SYNE1: variants seen among roughly 807,000 people sequenced by gnomAD.
SYNE1 encodes the protein spectrin repeat containing nuclear envelope protein 1.
In SYNE1, 616 loss-of-function variants were observed where a neutral mutation model predicts 1,111.0. That is an observed-to-expected ratio of 0.55 (90% CI 0.52 to 0.59). SYNE1 has a LOEUF of 0.59. Among genes scored for constraint, SYNE1 ranks in the 20% least tolerant of loss-of-function variants. The pLI is 0.00. For missense variants in SYNE1, 10,006 were observed against 10,417.0 expected (o/e 0.96, Z 1.72); for synonymous variants, 3,855 against 3,825.8 (o/e 1.01, Z -0.28).
At chr6:152,568,318 A>G (rs1258510073) in intron 3 of SYNE1, among the ~76,000 whole-genome samples, 1 of 97,094 alleles carries the variant, frequency 1.0e-5, no homozygotes, top group East Asian at 3.0e-4. Context: ...TTTTTTTGAG[A>G]TAGCATCTCT....
intron 93 of SYNE1, among the ~76,000 whole-genome samples, chr6:152,295,711 CAA>C (rs1164232567): frequency 6.6e-6 from 1 of 152,010 alleles, no homozygotes; most frequent in African/African-American, 2.4e-5. Flanking sequence ...CTCAAATTTT[CAA>C]AAGTCTATGT....
intron 25 of SYNE1, 84 bp from the exon 26 acceptor site, chr6:152,451,289 A>G (rs1427908879): frequency 3.6e-6 from 5 of 1,371,582 alleles, no homozygotes; most frequent in Admixed American, 1.7e-5. Flanking sequence ...AAAAAAAAAC[A>G]AAAACCATAA....
rs1168960517 is a variant in SYNE1 at position 152,623,976 on chromosome 6, T to C, written c.67+4289A>G. Among the ~76,000 whole-genome samples, 4 of 152,060 alleles carry C rather than the reference T, an allele frequency of 2.6e-5. No homozygotes were observed. The East Asian group carries it at 5.8e-4, about 22-fold the overall frequency. Reference sequence around the variant, plus strand: ...ATGAACTTATAAGAAATATTATACTTAAAACAAAAAAGGTTTAAGGTTTTT... The same window carrying C: ...ATGAACTTATAAGAAATATTATACTCAAAACAAAAAAGGTTTAAGGTTTTT... On this transcript the variant is annotated intron_variant, in intron 3 of 145. Transcript: ENST00000367255.
chr6:152,298,046 G>A (rs1199507707), intron 93 of SYNE1, among the ~76,000 whole-genome samples: 1 of 152,128 alleles, frequency 6.6e-6, no homozygotes, highest in African/African-American at 2.4e-5. Context: ...TTGCTTATGT[G>A]CCTAAGTTAT....
intron 3 of SYNE1, among the ~76,000 whole-genome samples, chr6:152,565,837 G>C (rs1332726343): frequency 1.3e-5 from 2 of 152,130 alleles, no homozygotes; most frequent in East Asian, 1.9e-4. Flanking sequence ...GCCAACTAAG[G>C]GGGAGGAACT....
chr6:152,225,667 T>G, intron 116 of SYNE1, 54 bp downstream of exon 116: 6 of 1,611,764 alleles, frequency 3.7e-6, no homozygotes, highest in Non-Finnish European at 5.1e-6. Context: ...ACCCAGAGTT[T>G]GGACAGAGCT....
chr6:152,526,065 C>CA lies in SYNE1; in HGVS notation c.225+14dup, dbSNP rs767113194. 2 of 1,612,126 alleles carry CA rather than the reference C, an allele frequency of 1.2e-6. No individual in the cohort carries two copies. Among genetic ancestry groups the CA allele is most frequent in the South Asian group, 1.1e-5 (1 of 91,018 alleles). ...AAACAATTTGACAAGTATGATCACA[C>CA]AAAAAAATTCTTACCAGTTTCTGCC... On this transcript the variant is annotated intron_variant, in intron 5 of 145. Coordinates refer to ENST00000367255, the MANE Select transcript of SYNE1 (RefSeq NM_182961.4).
At chr6:152,447,393 A>C in intron 29 of SYNE1, 65 bp downstream of exon 29, 1 of 1,568,260 alleles carries the variant, frequency 6.4e-7, no homozygotes, top group Non-Finnish European at 8.7e-7. Flanking sequence ...TACAACCAGA[A>C]GAAAAAGAAC....
At chr6:152,216,098 G>A (rs183586918) in intron 121 of SYNE1, among the ~76,000 whole-genome samples, 1 of 152,144 alleles carries the variant, frequency 6.6e-6, no homozygotes, top group African/African-American at 2.4e-5. Context: ...AAAATGTCAG[G>A]CCACCTTTGG....
chr6:152,588,203 T>C (rs1000117745), intron 3 of SYNE1, among the ~76,000 whole-genome samples: 2 of 152,134 alleles, frequency 1.3e-5, no homozygotes, highest in African/African-American at 4.8e-5. Flanking sequence ...AGGACTAAGG[T>C]GGGCAGCAGT....
chr6:152,454,773 T>C (rs2098682765), intron 24 of SYNE1, among the ~76,000 whole-genome samples: 1 of 152,322 alleles, frequency 6.6e-6, no homozygotes, highest in African/African-American at 2.4e-5. Context: ...CTAAATCTAG[T>C]CTGCAGAATC....
At chr6:152,480,229 A>T (rs2098879068) in intron 14 of SYNE1, among the ~76,000 whole-genome samples, 1 of 152,214 alleles carries the variant, frequency 6.6e-6, no homozygotes. Flanking sequence ...TGTTTTAATA[A>T]GTCAAACTTG....
intron 93 of SYNE1, among the ~76,000 whole-genome samples, chr6:152,296,827 C>T (rs1014839271): frequency 6.6e-6 from 1 of 152,202 alleles, no homozygotes; most frequent in Non-Finnish European, 1.5e-5. Context: ...GACATTGCCT[C>T]ATTTATGTGG....
At chr6:152,283,671 G>C (rs1320666759) in intron 96 of SYNE1, among the ~76,000 whole-genome samples, 5 of 152,142 alleles carry the variant, frequency 3.3e-5, no homozygotes, top group East Asian at 3.9e-4. Flanking sequence ...CAAGTAGCTG[G>C]GACTACAGGC....
chr6:152,255,268 C>G (rs2090530100), intron 103 of SYNE1, among the ~76,000 whole-genome samples, 179 bp from the exon 104 acceptor site: 1 of 152,142 alleles, frequency 6.6e-6, no homozygotes, highest in Non-Finnish European at 1.5e-5. Flanking sequence ...CTCTCAGAGA[C>G]TTTACCTCAT....
At position 152,419,641 on chromosome 6, in the gene SYNE1, C is replaced by T. The variant is rs1372034885; in HGVS notation, c.5349G>A (p.Leu1783=). ...LLLSFSVWIK[L]FLSELQTTSE... ...AGGTAGTTTGTAATTCACTGAGAAA[C>T]AGTTTAATCCAGACAGAAAAGGAAA... Residue 1783 remains leucine, a synonymous_variant, in exon 40 of 146, where the codon CTG becomes CTA. Transcript: ENST00000367255. The T allele has an allele frequency of 6.2e-7, 1 of 1,613,650 alleles. No homozygotes were observed. Among genetic ancestry groups the T allele is most frequent in the East Asian group, 2.2e-5 (1 of 44,846 alleles).
intron 72 of SYNE1, among the ~76,000 whole-genome samples, chr6:152,347,606 A>G (rs961375674): frequency 1.3e-5 from 2 of 151,994 alleles, no homozygotes; most frequent in Non-Finnish European, 2.9e-5. Context: ...AAACAATCTA[A>G]TTACTATTTC....
chr6:152,222,368 T>A (rs1342751629), intron 117 of SYNE1, among the ~76,000 whole-genome samples: 1 of 152,206 alleles, frequency 6.6e-6, no homozygotes, highest in African/African-American at 2.4e-5. Flanking sequence ...TGCCAAACTG[T>A]GGATCTCTTT....
chr6:152,165,679 A>G (rs1469120712), intron 130 of SYNE1, among the ~76,000 whole-genome samples: 2 of 152,180 alleles, frequency 1.3e-5, no homozygotes, highest in African/African-American at 4.8e-5. Context: ...GATTTCCCCA[A>G]TTAGCTTTAT....
Sources: allele counts gnomAD v4.1 joint callset (sites outside exome capture counted in the v4.1 genomes callset), GRCh38; gene constraint gnomAD v4.1.1; transcripts MANE v1.5; gene names NCBI Gene and HGNC (gene_info 2026-07-23, HGNC 2026-07-21).